Variants in NRG1 observed in about 807,000 individuals in gnomAD.
The protein encoded by NRG1 is neuregulin 1.
NRG1 carries 18 observed loss-of-function variants against 63.8 expected under a neutral mutation model. The ratio of observed to expected loss-of-function variants is 0.28; its 90% CI spans 0.19 to 0.42. The LOEUF is 0.42. Ranked by LOEUF, NRG1 falls within the 10% of genes least tolerant of loss-of-function variation. The pLI is 1.00. For missense variants in NRG1, 762 were observed against 814.7 expected, an observed-to-expected ratio of 0.94 and a Z score of 0.79; for synonymous variants, 302 against 301.3, an observed-to-expected ratio of 1.00 and a Z score of -0.02.
intron 1 of NRG1, among the ~76,000 whole-genome samples, chr8:32,490,844 G>A (rs1212020778): frequency 6.6e-6 from 1 of 152,120 alleles, no homozygotes; most frequent in Non-Finnish European, 1.5e-5. Flanking sequence ...TGTCCTTAAA[G>A]TGAAGGCCTT....
intron 1 of NRG1, among the ~76,000 whole-genome samples, chr8:32,478,037 A>C (rs1196114902): frequency 6.6e-6 from 1 of 152,230 alleles, no homozygotes; most frequent in Non-Finnish European, 1.5e-5. Flanking sequence ...TATACTTCTC[A>C]TCCTCTGGAA....
At chr8:32,642,977 C>T (rs527541297) in intron 5 of NRG1, among the ~76,000 whole-genome samples, 5 of 152,238 alleles carry the variant, frequency 3.3e-5, no homozygotes, top group African/African-American at 1.2e-4. Context: ...GAATTCATAG[C>T]CTAGCTTGAA....
intron 2 of NRG1, among the ~76,000 whole-genome samples, chr8:32,596,813 A>G (rs995582399): frequency 6.6e-6 from 1 of 152,168 alleles, no homozygotes; most frequent in Non-Finnish European, 1.5e-5. Flanking sequence ...TTTTTAACTG[A>G]CACTGCTGAT....
intron 1 of NRG1, among the ~76,000 whole-genome samples, chr8:31,731,976 G>A (rs1814123980): frequency 2.0e-5 from 3 of 152,198 alleles, no homozygotes; most frequent in African/African-American, 7.2e-5. Flanking sequence ...ACCAGCGAAT[G>A]TTAGGTGCTC....
At chr8:32,769,974 A>G (rs1438166281), downstream of NRG1, among the ~76,000 whole-genome samples, 1 of 152,208 alleles carries the variant, frequency 6.6e-6, no homozygotes, top group African/African-American at 2.4e-5. Context: ...GAGCTTTTTA[A>G]AAACAGACCA....
intron 1 of NRG1, among the ~76,000 whole-genome samples, chr8:32,104,013 G>A (rs1302052192): frequency 2.0e-5 from 3 of 152,136 alleles, no homozygotes; most frequent in Non-Finnish European, 2.9e-5. Flanking sequence ...GGAACTAGAC[G>A]ATTCTGGATT....
chr8:32,455,131 C>A (rs566030781), intron 1 of NRG1, among the ~76,000 whole-genome samples: 1 of 152,188 alleles, frequency 6.6e-6, no homozygotes, highest in East Asian at 1.9e-4. Flanking sequence ...AGAAGGTACC[C>A]CCATCGTTAA....
At chr8:32,446,095 C>T (rs769580498) in intron 1 of NRG1, among the ~76,000 whole-genome samples, 3 of 152,142 alleles carry the variant, frequency 2.0e-5, no homozygotes, top group Non-Finnish European at 4.4e-5. Context: ...GCTTTAACAA[C>T]GGTCTCTGGA....
intron 1 of NRG1, among the ~76,000 whole-genome samples, chr8:31,998,891 GACTTTT>G (rs1812464119): frequency 6.6e-6 from 1 of 151,878 alleles, no homozygotes. Flanking sequence ...GAATTTCTCT[GACTTTT>G]ACTTTGCTTA....
chr8:31,875,809 T>C (rs1330426864), intron 1 of NRG1, among the ~76,000 whole-genome samples: 1 of 152,172 alleles, frequency 6.6e-6, no homozygotes, highest in African/African-American at 2.4e-5. Flanking sequence ...AAGTAACTCA[T>C]GTCCCTACAA....
At chr8:32,223,008 T>G (rs1010557863) in intron 1 of NRG1, among the ~76,000 whole-genome samples, 26 of 152,354 alleles carry the variant, frequency 1.7e-4, no homozygotes, top group African/African-American at 5.8e-4. Flanking sequence ...AGATCAGATG[T>G]TTTGTAGTGC....
At chr8:32,500,423 C>T (rs891971326) in intron 1 of NRG1, among the ~76,000 whole-genome samples, 5 of 152,142 alleles carry the variant, frequency 3.3e-5, no homozygotes, top group Non-Finnish European at 4.4e-5. Context: ...AAACCAGATA[C>T]GAGTCTTACT....
chr8:31,793,961 T>A (rs1284680239), intron 1 of NRG1, among the ~76,000 whole-genome samples: 1 of 152,088 alleles, frequency 6.6e-6, no homozygotes, highest in Admixed American at 6.5e-5. Context: ...TTCTTTCATT[T>A]TCTCTCTCTT....
intron 1 of NRG1, among the ~76,000 whole-genome samples, chr8:32,277,008 T>C (rs988234976): frequency 2.6e-5 from 4 of 152,192 alleles, no homozygotes; most frequent in African/African-American, 9.6e-5. Context: ...AAAGGCCTTT[T>C]GATGGTTGGT....
intron 1 of NRG1, among the ~76,000 whole-genome samples, chr8:31,771,085 C>G (rs572917305): frequency 1.3e-5 from 2 of 152,246 alleles, no homozygotes; most frequent in South Asian, 2.1e-4. Flanking sequence ...GTAACCACCA[C>G]TACAATCAGA....
intron 6 of NRG1, among the ~76,000 whole-genome samples, chr8:32,736,090 C>T (rs541025706): frequency 1.3e-5 from 2 of 151,942 alleles, no homozygotes; most frequent in East Asian, 3.9e-4. Flanking sequence ...ATTACTGGAA[C>T]ATTTTATATT....
intron 3 of NRG1, 114 bp downstream of exon 3, chr8:32,605,797 CAG>C: frequency 4.8e-6 from 6 of 1,246,448 alleles, no homozygotes; most frequent in African/African-American, 4.6e-5. Context: ...AAATTAAAAA[CAG>C]AGAAAGAAAA....
chr8:32,101,699 C>A (rs1401699261), intron 1 of NRG1, among the ~76,000 whole-genome samples: 4 of 152,070 alleles, frequency 2.6e-5, no homozygotes, highest in Non-Finnish European at 5.9e-5. Flanking sequence ...AAATAGCACG[C>A]TAGTTGCGTT....
chr8:32,337,241 G>C (rs1254782040), intron 1 of NRG1, among the ~76,000 whole-genome samples: 1 of 151,942 alleles, frequency 6.6e-6, no homozygotes, highest in African/African-American at 2.4e-5. Flanking sequence ...GAACTCCTGA[G>C]CTCAAACAGT....
Sources: allele counts gnomAD v4.1 joint callset (sites outside exome capture counted in the v4.1 genomes callset), GRCh38; gene constraint gnomAD v4.1.1; transcripts MANE v1.5; gene names NCBI Gene and HGNC (gene_info 2026-07-23, HGNC 2026-07-21).